TASP1: variants seen among roughly 807,000 people sequenced by gnomAD.
TASP1 encodes the protein taspase 1, also known as threonine aspartase 1.
TASP1 carries 16 observed loss-of-function variants against 56.6 expected under a neutral mutation model. The observed-to-expected ratio is 0.28, with a 90% CI of 0.19 to 0.43. The LOEUF (loss-of-function observed/expected upper bound fraction) is 0.43. Among genes scored for constraint, TASP1 ranks in the 20% least tolerant of loss-of-function variants. The pLI is 1.00. For missense variants in TASP1, 393 were observed against 511.6 expected (o/e 0.77, Z 2.24); for synonymous variants, 179 against 184.2 (o/e 0.97, Z 0.23).
At chr20:13,384,561 CTGGCTAATACCT>C (rs2041150555), downstream of TASP1, among the ~76,000 whole-genome samples, 1 of 152,176 alleles carries the variant, frequency 6.6e-6, no homozygotes. Flanking sequence ...TCATAGACAT[CTGGCTAATACCT>C]TGCGGACTTG....
At chr20:13,221,465 T>TGTC in the TASP1 span, among the ~76,000 whole-genome samples, 1 of 142,142 alleles carries the variant, frequency 7.0e-6, no homozygotes, top group Admixed American at 6.9e-5. Flanking sequence ...CCAGTCTCCG[T>TGTC]CTCCGCCGCC....
At chr20:13,491,034 A>G (rs1216806006) in intron 10 of TASP1, among the ~76,000 whole-genome samples, 1 of 152,172 alleles carries the variant, frequency 6.6e-6, no homozygotes, top group East Asian at 1.9e-4. Flanking sequence ...ATTCTCAGCT[A>G]GCTTAACAAT....
intron 4 of TASP1, among the ~76,000 whole-genome samples, chr20:13,602,863 G>A (rs1031781058): frequency 6.6e-6 from 1 of 152,116 alleles, no homozygotes; most frequent in Admixed American, 6.6e-5. Flanking sequence ...AGGCCCTAGG[G>A]TTACGGACCC....
At chr20:13,336,916 A>C in the TASP1 span, among the ~76,000 whole-genome samples, 1 of 152,150 alleles carries the variant, frequency 6.6e-6, no homozygotes, top group South Asian at 2.1e-4. Context: ...TCTGAGCCAC[A>C]CTCTGTCTAC....
chr20:13,552,168 T>C (rs916082478), intron 8 of TASP1, among the ~76,000 whole-genome samples: 1 of 152,160 alleles, frequency 6.6e-6, no homozygotes, highest in Non-Finnish European at 1.5e-5. Context: ...ATTACCATGG[T>C]ATTATTAACT....
At chr20:13,474,822 G>A (rs1431864966) in intron 11 of TASP1, among the ~76,000 whole-genome samples, 1 of 152,048 alleles carries the variant, frequency 6.6e-6, no homozygotes, top group African/African-American at 2.4e-5. Flanking sequence ...TTAAATTATG[G>A]TCATTCTTGT....
At chr20:13,396,444 TA>T (rs2041540921) in intron 13 of TASP1, among the ~76,000 whole-genome samples, 2 of 152,204 alleles carry the variant, frequency 1.3e-5, no homozygotes, top group African/African-American at 2.4e-5. Flanking sequence ...ATCCATTAAC[TA>T]TGGGTGAAAA....
the TASP1 span, among the ~76,000 whole-genome samples, chr20:13,172,455 A>C: frequency 6.6e-6 from 1 of 152,158 alleles, no homozygotes; most frequent in Non-Finnish European, 1.5e-5. Flanking sequence ...AACATTTGTC[A>C]ATCTTATAGG....
At chr20:13,221,971 G>T in the TASP1 span, 1 of 1,292,732 alleles carries the variant, frequency 7.7e-7, no homozygotes, top group Non-Finnish European at 9.8e-7. Context: ...TGTGGGGCGG[G>T]GGTGCTGAGC....
the TASP1 span, among the ~76,000 whole-genome samples, chr20:13,211,528 A>C: frequency 1.3e-5 from 2 of 152,076 alleles, no homozygotes; most frequent in African/African-American, 4.8e-5. Flanking sequence ...AAATTATACC[A>C]TTATTCAATT....
chr20:13,611,002 G>A (rs2048331350), intron 4 of TASP1, among the ~76,000 whole-genome samples: 1 of 152,142 alleles, frequency 6.6e-6, no homozygotes, highest in Non-Finnish European at 1.5e-5. Context: ...CCACTCTGGG[G>A]CTAGGATTCA....
intron 12 of TASP1, among the ~76,000 whole-genome samples, chr20:13,422,387 T>C (rs549602596): frequency 9.8e-5 from 15 of 152,300 alleles, no homozygotes; most frequent in Non-Finnish European, 2.9e-5. Context: ...TTATTGGTCA[T>C]CATTTCATGA....
the TASP1 span, among the ~76,000 whole-genome samples, chr20:13,353,753 C>A: frequency 6.6e-6 from 1 of 152,162 alleles, no homozygotes; most frequent in East Asian, 1.9e-4. Context: ...GAGCATCTGG[C>A]CCACTGCCTG....
chr20:13,315,019 A>T, the TASP1 span, among the ~76,000 whole-genome samples: 1 of 152,098 alleles, frequency 6.6e-6, no homozygotes, highest in African/African-American at 2.4e-5. Flanking sequence ...ACTGCTAAAA[A>T]AAAGTTTAAA....
the TASP1 span, among the ~76,000 whole-genome samples, chr20:13,321,253 T>TAAAAAAAAAAAAAAAAAAAAAAAAAAAA: frequency 5.2e-5 from 3 of 57,514 alleles, no homozygotes; most frequent in Non-Finnish European, 9.5e-5. Context: ...GTGCCCCACA[T>TAAAAAAAAAAAAAAAAAAAAAAAAAAAA]AAAAAAAAAA....
At chr20:13,538,002 CTT>C (rs202194017) in intron 8 of TASP1, among the ~76,000 whole-genome samples, 41 of 139,526 alleles carry the variant, frequency 2.9e-4, no homozygotes, top group Admixed American at 3.6e-4. Context: ...ATCTATCAGT[CTT>C]TTTTTTTTTT....
At chr20:13,274,947 C>T in the TASP1 span, among the ~76,000 whole-genome samples, 1 of 152,118 alleles carries the variant, frequency 6.6e-6, no homozygotes, top group African/African-American at 2.4e-5. Context: ...TTATCAAAAA[C>T]AAAAATCATT....
chr20:13,525,485 C>A (rs1031023185), intron 10 of TASP1, among the ~76,000 whole-genome samples: 1 of 152,166 alleles, frequency 6.6e-6, no homozygotes, highest in African/African-American at 2.4e-5. Context: ...GAACAAGATG[C>A]TAGAGTTTAT....
chr20:13,533,528 C>A (rs1409919533), intron 9 of TASP1, among the ~76,000 whole-genome samples: 7 of 152,184 alleles, frequency 4.6e-5, no homozygotes, highest in African/African-American at 1.4e-4. Flanking sequence ...GTGTTGGTGA[C>A]CTGAAATACT....
Sources: gnomAD v4.1 joint callset for allele counts (sites outside exome capture counted in the v4.1 genomes callset) on GRCh38, gnomAD v4.1.1 for gene constraint, MANE v1.5 for transcripts, NCBI Gene and HGNC (gene_info 2026-07-23, HGNC 2026-07-21) for gene names.